The following AK8 variants were observed in gnomAD, a reference collection of about 807,000 sequenced individuals.
The protein encoded by AK8 is adenylate kinase 8.
AK8 carries 44 observed loss-of-function variants against 54.6 expected under a neutral mutation model. That is an observed-to-expected ratio of 0.81 (90% confidence interval 0.63 to 1.04). The LOEUF (loss-of-function observed/expected upper bound fraction) is 1.04. AK8 is among the 50% of genes least tolerant of loss of function. The pLI, the probability that AK8 is intolerant of heterozygous loss-of-function variation, is 0.00. For synonymous variants in AK8, 239 were observed against 245.6 expected (o/e 0.97, Z 0.25); for missense variants, 555 against 613.6 (o/e 0.90, Z 1.01).
chr9:132,853,810 T>TAAAAAAAAAAAAAAAAA (rs1843065733), intron 5 of AK8, among the ~76,000 whole-genome samples: 2 of 94,188 alleles, frequency 2.1e-5, no homozygotes, highest in Non-Finnish European at 2.3e-5. Context: ...AAAAAAAAAG[T>TAAAAAAAAAAAAAAAAA]AAACAGAGTG....
At chr9:132,755,789 C>T (rs1196540637) in intron 11 of AK8, among the ~76,000 whole-genome samples, 2 of 147,870 alleles carry the variant, frequency 1.4e-5, no homozygotes, top group African/African-American at 2.5e-5. Context: ...TTTTTTGAGA[C>T]GGAGTTTCGC....
intron 11 of AK8, among the ~76,000 whole-genome samples, chr9:132,745,432 G>C (rs986965058): frequency 3.9e-5 from 6 of 152,096 alleles, no homozygotes; most frequent in African/African-American, 1.2e-4. Context: ...CGTCCGTGTC[G>C]CGGCTGTAAT....
intron 11 of AK8, among the ~76,000 whole-genome samples, chr9:132,779,031 T>C (rs942923994): frequency 6.6e-6 from 1 of 152,062 alleles, no homozygotes; most frequent in Non-Finnish European, 1.5e-5. Context: ...CCTTCCCCAC[T>C]TCCAAGCCAA....
intron 11 of AK8, among the ~76,000 whole-genome samples, chr9:132,746,728 G>A (rs1382692879): frequency 6.6e-6 from 1 of 152,164 alleles, no homozygotes; most frequent in African/African-American, 2.4e-5. Flanking sequence ...AATGCCTTAC[G>A]GAGGCAGCAA....
At chr9:132,735,531 C>T (rs1837060731) in intron 11 of AK8, among the ~76,000 whole-genome samples, 1 of 152,012 alleles carries the variant, frequency 6.6e-6, no homozygotes, top group African/African-American at 2.4e-5. Flanking sequence ...ACTTCACACT[C>T]AGTAGAATGA....
rs188105942 is a variant in AK8 at position 132,736,564 on chromosome 9, G to A, written c.1122-9030C>T. Among the ~76,000 whole-genome samples, 119 of 151,146 alleles carry A rather than the reference G, an allele frequency of 7.9e-4. 1 individual carries two copies. The highest frequency in any genetic ancestry group is 2.8e-3 in the African/African-American group (114 of 41,414). On this transcript the variant is annotated intron_variant, in intron 11 of 12. Coordinates refer to ENST00000298545, the MANE Select transcript of AK8 (RefSeq NM_152572.3). ...TGTAATCCCAGCACTTTGGGAGGCC[G>A]AGGTGGGCGGATCACAAGCTCAGGA...
At chr9:132,847,704 G>C (rs1022650430) in intron 5 of AK8, among the ~76,000 whole-genome samples, 5 of 152,204 alleles carry the variant, frequency 3.3e-5, no homozygotes, top group African/African-American at 9.7e-5. Flanking sequence ...AAGAGAGCCA[G>C]GCATGGTGGC....
chr9:132,740,752 G>A lies in AK8; in HGVS notation c.1122-13218C>T, dbSNP rs561780565. 4.6e-5 allele frequency among the ~76,000 whole-genome samples: 7 copies of A among 152,236 alleles called. No homozygotes were observed. In the South Asian group the frequency reaches 6.2e-4, roughly 14 times the overall value. On this transcript the variant is annotated intron_variant, in intron 11 of 12. Coordinates refer to ENST00000298545, the MANE Select transcript of AK8 (RefSeq NM_152572.3). ...CTGGGGCTGCATCCCTCACCTGCAC[G>A]GTGGGCCCAGGCGAGGAACCCACCC...
intron 10 of AK8, among the ~76,000 whole-genome samples, chr9:132,806,085 ATTAC>A (rs1840710104): frequency 7.0e-6 from 1 of 142,232 alleles, no homozygotes; most frequent in African/African-American, 2.6e-5. Flanking sequence ...TAATGTGTTT[ATTAC>A]TTACTGCTTG....
intron 10 of AK8, among the ~76,000 whole-genome samples, chr9:132,812,179 C>T (rs1333336345): frequency 6.7e-6 from 1 of 148,938 alleles, no homozygotes; most frequent in East Asian, 2.0e-4. Flanking sequence ...AGAAATTATG[C>T]TTGAGGATGC....
At position 132,860,486 on chromosome 9, in the gene AK8, G is replaced by A. The variant is rs921129468; in HGVS notation, c.333+3179C>T. On this transcript the variant is annotated intron_variant, in intron 4 of 12. Transcript: ENST00000298545. The surrounding 1 kb of genome is among the most constrained non-coding windows in gnomAD (Gnocchi z 4.4). ...GGACTCGAACGCAGGTAGAGGACAG[G>A]GAGAGTTCTAGAGGAAAAGGGAAGG... Among the ~76,000 whole-genome samples, 2 of 152,210 alleles carry A rather than the reference G, an allele frequency of 1.3e-5. No homozygotes were observed. Among genetic ancestry groups the A allele is most frequent in the Admixed American group, 6.5e-5 (1 of 15,286 alleles).
intron 11 of AK8, among the ~76,000 whole-genome samples, chr9:132,766,239 G>A (rs868105839): frequency 6.6e-6 from 1 of 152,108 alleles, no homozygotes; most frequent in East Asian, 1.9e-4. Flanking sequence ...AGCCTCCTGA[G>A]TAGCTGGAAC....
At chr9:132,865,587 C>T (rs997781748) in intron 3 of AK8, among the ~76,000 whole-genome samples, 12 of 150,036 alleles carry the variant, frequency 8.0e-5, no homozygotes, top group African/African-American at 2.2e-4. Flanking sequence ...TTTGGGAGGC[C>T]GAGGATCATG....
chr9:132,805,207 A>G (rs1840662237), intron 10 of AK8, among the ~76,000 whole-genome samples: 1 of 152,236 alleles, frequency 6.6e-6, no homozygotes, highest in African/African-American at 2.4e-5. Flanking sequence ...AAACGCTTCT[A>G]GAAGCTCTGG....
intron 3 of AK8, among the ~76,000 whole-genome samples, chr9:132,864,472 CA>C (rs779131124): frequency 6.6e-6 from 1 of 152,210 alleles, no homozygotes; most frequent in African/African-American, 2.4e-5. Flanking sequence ...CACCCCTCAA[CA>C]GAGCTGACTG....
At chr9:132,854,211 T>C (rs933878012) in intron 5 of AK8, among the ~76,000 whole-genome samples, 3 of 152,108 alleles carry the variant, frequency 2.0e-5, no homozygotes, top group Non-Finnish European at 4.4e-5. Flanking sequence ...AACGTATATA[T>C]ACACATACAT....
At chr9:132,830,914 G>A (rs1842077884) in intron 5 of AK8, among the ~76,000 whole-genome samples, 1 of 152,168 alleles carries the variant, frequency 6.6e-6, no homozygotes, top group Non-Finnish European at 1.5e-5. Context: ...CTCTTTACAT[G>A]TAAATAGTAA....
At chr9:132,727,796 C>T (rs1383095508) in intron 11 of AK8, among the ~76,000 whole-genome samples, 1 of 152,110 alleles carries the variant, frequency 6.6e-6, no homozygotes, top group Non-Finnish European at 1.5e-5. Context: ...ACCTCAGGGC[C>T]GGGTGCCAGG....
chr9:132,858,093 C>T (rs1843248629), intron 4 of AK8, among the ~76,000 whole-genome samples: 1 of 152,236 alleles, frequency 6.6e-6, no homozygotes, highest in South Asian at 2.1e-4. Context: ...CGACTCAGGC[C>T]CCTGGCCCCG....
Sources: allele counts gnomAD v4.1 joint callset (sites outside exome capture counted in the v4.1 genomes callset), GRCh38; gene constraint gnomAD v4.1.1; non-coding constraint Gnocchi (gnomAD v3.1); transcripts MANE v1.5; gene names NCBI Gene and HGNC (gene_info 2026-07-23, HGNC 2026-07-21).